Variants in VTI1A observed in about 807,000 individuals in gnomAD.
VTI1A encodes the protein vesicle transport through interaction with t-SNAREs homolog 1A.
A neutral mutation model predicts 34.9 loss-of-function variants in VTI1A; 22 were observed. The ratio of observed to expected loss-of-function variants is 0.63; its 90% CI spans 0.45 to 0.90. VTI1A has a LOEUF of 0.90. Ranked by LOEUF, VTI1A falls within the 40% of genes least tolerant of loss-of-function variation. VTI1A has a pLI of 0.00. For missense variants in VTI1A, 268 were observed against 275.6 expected (o/e 0.97, Z 0.20); for synonymous variants, 87 against 97.3 (o/e 0.89, Z 0.62).
chr10:112,567,367 C>T (rs1390556667), intron 5 of VTI1A, among the ~76,000 whole-genome samples: 1 of 152,102 alleles, frequency 6.6e-6, no homozygotes, highest in African/African-American at 2.4e-5. Flanking sequence ...AGAGGTTTAC[C>T]ATTTTATGAA....
chr10:112,547,599 A>C (rs565147337), intron 5 of VTI1A, among the ~76,000 whole-genome samples: 7 of 152,102 alleles, frequency 4.6e-5, no homozygotes, highest in South Asian at 2.1e-4. Flanking sequence ...TAATCATAAT[A>C]ATAATAATTT....
chr10:112,572,633 T>A (rs548581105), intron 5 of VTI1A, among the ~76,000 whole-genome samples: 2 of 152,134 alleles, frequency 1.3e-5, no homozygotes, highest in East Asian at 3.9e-4. Context: ...GGTCAGGAGA[T>A]CGAGACCATC....
In VTI1A at chr10:112,578,772, C is replaced by A. The variant is rs185093011; in HGVS notation, c.427+40442C>A. Among the ~76,000 whole-genome samples, 3 of 152,046 alleles carry A rather than the reference C, an allele frequency of 2.0e-5. No individual in the cohort carries two copies. The South Asian group carries it at 6.2e-4, about 32-fold the overall frequency. ...GTGATGGATATAGTTTTTAAGATACCCATTAGATGTATAATTACCATATTG... is the reference window on the plus strand; with the variant it reads ...GTGATGGATATAGTTTTTAAGATACACATTAGATGTATAATTACCATATTG... On this transcript the variant is annotated intron_variant, in intron 5 of 7. Coordinates refer to ENST00000393077, the MANE Select transcript of VTI1A (RefSeq NM_145206.4).
At chr10:112,854,460 C>T in the VTI1A span, among the ~76,000 whole-genome samples, 1 of 152,174 alleles carries the variant, frequency 6.6e-6, no homozygotes, top group East Asian at 1.9e-4. Flanking sequence ...GTCTCTAATG[C>T]TTCGGAGGGG....
chr10:112,669,941 C>T (rs1018351976), intron 7 of VTI1A, among the ~76,000 whole-genome samples: 1 of 152,146 alleles, frequency 6.6e-6, no homozygotes, highest in Non-Finnish European at 1.5e-5. Context: ...ATTTTCTAAG[C>T]AGCCTGACCA....
intron 5 of VTI1A, among the ~76,000 whole-genome samples, chr10:112,541,638 C>A (rs1226333484): frequency 6.6e-6 from 1 of 152,124 alleles, no homozygotes; most frequent in Non-Finnish European, 1.5e-5. Context: ...ATTATAGGGT[C>A]TTCTTAATAA....
At chr10:112,724,217 C>T (rs1031160715) in intron 7 of VTI1A, among the ~76,000 whole-genome samples, 1 of 152,112 alleles carries the variant, frequency 6.6e-6, no homozygotes, top group Non-Finnish European at 1.5e-5. Flanking sequence ...TAACCAAGCC[C>T]TGTCCAAGGC....
intron 5 of VTI1A, among the ~76,000 whole-genome samples, chr10:112,577,260 G>A (rs1257042756): frequency 1.3e-5 from 2 of 152,080 alleles, no homozygotes; most frequent in East Asian, 1.9e-4. Flanking sequence ...GGGCTTCAAC[G>A]TGTGAATTTT....
rs1168393929 is a variant in VTI1A, at chr10:112,750,505, C to T, written c.561-64785C>T. Among the ~76,000 whole-genome samples the T allele has an allele frequency of 2.6e-5, 4 of 152,170 alleles. No individual in the cohort carries two copies. The East Asian group carries it at 7.7e-4, about 29-fold the overall frequency. On this transcript the variant is annotated intron_variant, in intron 7 of 7. Coordinates refer to ENST00000393077, the MANE Select transcript of VTI1A (RefSeq NM_145206.4). Reference sequence around the variant, plus strand: ...TGCTGGGATTATGTGAGCCACCACACCTAGCCAAGACTGATTTTTAAATCT... The same window carrying T: ...TGCTGGGATTATGTGAGCCACCACATCTAGCCAAGACTGATTTTTAAATCT...
At chr10:112,815,139 G>GCGCACGCACA (rs879013051) in intron 7 of VTI1A, 151 bp from the exon 8 acceptor site, 1 of 179,040 alleles carries the variant, frequency 5.6e-6, no homozygotes, top group Non-Finnish European at 1.1e-5. Context: ...TTTCGCGCGC[G>GCGCACGCACA]CACACACACA....
At chr10:112,618,876 G>T (rs1271667295) in intron 5 of VTI1A, among the ~76,000 whole-genome samples, 1 of 152,088 alleles carries the variant, frequency 6.6e-6, no homozygotes, top group African/African-American at 2.4e-5. Context: ...CTAAGAGGAG[G>T]TGAGGTTGGA....
At chr10:112,550,928 G>T (rs997188190) in intron 5 of VTI1A, among the ~76,000 whole-genome samples, 11 of 152,124 alleles carry the variant, frequency 7.2e-5, no homozygotes, top group African/African-American at 2.7e-4. Context: ...TACATGAAAA[G>T]GTTGATATTT....
chr10:112,733,725 ATTATTTTATT>A (rs71035398), intron 7 of VTI1A, among the ~76,000 whole-genome samples: 3,105 of 128,522 alleles, frequency 0.024, 61 homozygotes, highest in African/African-American at 0.053. Flanking sequence ...TCTCATTTAC[ATTATTTTATT>A]TTATTTTATT....
At chr10:112,716,972 G>A (rs901560504) in intron 7 of VTI1A, among the ~76,000 whole-genome samples, 3 of 152,164 alleles carry the variant, frequency 2.0e-5, no homozygotes, top group African/African-American at 7.2e-5. Context: ...TGCCATGAAT[G>A]CTGCCAGGGC....
At chr10:112,567,927 G>A (rs1008307386) in intron 5 of VTI1A, among the ~76,000 whole-genome samples, 6 of 152,112 alleles carry the variant, frequency 3.9e-5, no homozygotes, top group African/African-American at 9.7e-5. Flanking sequence ...GCACACATCC[G>A]TATAGGCAAA....
chr10:112,577,729 G>T (rs1028037778), intron 5 of VTI1A, among the ~76,000 whole-genome samples: 1 of 152,188 alleles, frequency 6.6e-6, no homozygotes, highest in South Asian at 2.1e-4. Context: ...AAAGGAACTG[G>T]GAGATGGACA....
At chr10:112,592,876 A>G (rs964017722) in intron 5 of VTI1A, among the ~76,000 whole-genome samples, 6 of 152,204 alleles carry the variant, frequency 3.9e-5, no homozygotes, top group Admixed American at 3.3e-4. Context: ...CTACAATTAG[A>G]CTTGTGTTAC....
At chr10:112,740,352 C>T (rs1402252411) in intron 7 of VTI1A, among the ~76,000 whole-genome samples, 2 of 152,146 alleles carry the variant, frequency 1.3e-5, no homozygotes, top group African/African-American at 2.4e-5. Flanking sequence ...TGCAGTGGTG[C>T]AATCTCGGCA....
At chr10:112,754,341 T>C (rs1214427778) in intron 7 of VTI1A, among the ~76,000 whole-genome samples, 2 of 152,168 alleles carry the variant, frequency 1.3e-5, no homozygotes, top group African/African-American at 4.8e-5. Flanking sequence ...CCCTCTACCA[T>C]GACTGACTCC....
Sources: allele counts gnomAD v4.1 joint callset (sites outside exome capture counted in the v4.1 genomes callset), GRCh38; gene constraint gnomAD v4.1.1; transcripts MANE v1.5; gene names NCBI Gene and HGNC (gene_info 2026-07-23, HGNC 2026-07-21).